TAFA2: variants seen among roughly 807,000 people sequenced by gnomAD.
TAFA2 encodes chemokine-like protein TAFA-2.
TAFA2 carries 7 observed loss-of-function variants against 18.8 expected under a neutral mutation model. That is an observed-to-expected ratio of 0.37 (90% CI 0.21 to 0.70). The LOEUF (loss-of-function observed/expected upper bound fraction) is 0.70. Ranked by LOEUF, TAFA2 falls within the 30% of genes least tolerant of loss-of-function variation. The pLI, the probability that TAFA2 is intolerant of heterozygous loss-of-function variation, is 0.53. For missense variants in TAFA2, 122 were observed against 158.1 expected (o/e 0.77, Z 1.23); for synonymous variants, 60 against 54.2 (o/e 1.11, Z -0.47).
At chr12:62,150,348 A>C (rs538437584) in intron 1 of TAFA2, among the ~76,000 whole-genome samples, 1 of 152,328 alleles carries the variant, frequency 6.6e-6, no homozygotes, top group African/African-American at 2.4e-5. Context: ...ATTAGATACA[A>C]GTAAATAAAA....
intron 4 of TAFA2, among the ~76,000 whole-genome samples, chr12:61,717,959 C>A (rs529412586): frequency 1.3e-5 from 2 of 152,140 alleles, no homozygotes; most frequent in African/African-American, 2.4e-5. Context: ...ACTACTATGA[C>A]CTTTCTTAAG....
intron 2 of TAFA2, among the ~76,000 whole-genome samples, chr12:61,779,093 T>A (rs950118100): frequency 6.6e-6 from 1 of 151,862 alleles, no homozygotes; most frequent in African/African-American, 2.4e-5. Context: ...CAAACCACAT[T>A]TATCATCATA....
At chr12:61,808,071 G>C (rs1425253361) in intron 2 of TAFA2, among the ~76,000 whole-genome samples, 1 of 151,592 alleles carries the variant, frequency 6.6e-6, no homozygotes, top group Non-Finnish European at 1.5e-5. Context: ...CTTGGAAGGG[G>C]CCAGGGGCAG....
intron 1 of TAFA2, among the ~76,000 whole-genome samples, chr12:62,171,117 C>T (rs1437741075): frequency 1.3e-5 from 2 of 151,768 alleles, no homozygotes; most frequent in Non-Finnish European, 2.9e-5. Context: ...CACAATTATA[C>T]CCTTGTTGTT....
chr12:62,115,604 T>A (rs1869927866), intron 1 of TAFA2, among the ~76,000 whole-genome samples: 1 of 152,216 alleles, frequency 6.6e-6, no homozygotes, highest in Non-Finnish European at 1.5e-5. Context: ...GTCATCTCAG[T>A]ACATTTAAAG....
At chr12:61,935,260 A>G (rs1387444725) in intron 1 of TAFA2, among the ~76,000 whole-genome samples, 1 of 152,232 alleles carries the variant, frequency 6.6e-6, no homozygotes. Flanking sequence ...CAAAATGATA[A>G]TAAATATTTC....
At chr12:61,808,802 C>G (rs1297003756) in intron 2 of TAFA2, among the ~76,000 whole-genome samples, 1 of 151,342 alleles carries the variant, frequency 6.6e-6, no homozygotes, top group African/African-American at 2.5e-5. Context: ...TTGCACAGTG[C>G]CTGCAGCGCA....
intron 1 of TAFA2, among the ~76,000 whole-genome samples, chr12:61,877,920 TATATAC>T (rs1874932422): frequency 9.2e-5 from 13 of 141,530 alleles, no homozygotes; most frequent in African/African-American, 3.5e-4. Context: ...TATATATATA[TATATAC>T]ACACACACAC....
At chr12:62,005,547 T>A (rs1360467245) in intron 1 of TAFA2, among the ~76,000 whole-genome samples, 1 of 152,130 alleles carries the variant, frequency 6.6e-6, no homozygotes, top group African/African-American at 2.4e-5. Context: ...TACTAGAAAC[T>A]TTAATATGAA....
chr12:61,808,136 G>A (rs1379848619), intron 2 of TAFA2, among the ~76,000 whole-genome samples: 1 of 151,586 alleles, frequency 6.6e-6, no homozygotes, highest in Non-Finnish European at 1.5e-5. Context: ...TTCCCACGTT[G>A]TGGGAGGGAC....
chr12:62,005,004 A>C (rs1364272569), intron 1 of TAFA2, among the ~76,000 whole-genome samples: 1 of 152,108 alleles, frequency 6.6e-6, no homozygotes, highest in Non-Finnish European at 1.5e-5. Context: ...AGAATAGAAC[A>C]GTGGTTACCA....
intron 1 of TAFA2, among the ~76,000 whole-genome samples, chr12:62,119,135 G>A (rs1419217202): frequency 6.6e-6 from 1 of 151,978 alleles, no homozygotes; most frequent in Non-Finnish European, 1.5e-5. Flanking sequence ...AGGACCTAGT[G>A]TCATGTTTTC....
chr12:61,990,771 A>C (rs1879982385), intron 1 of TAFA2, among the ~76,000 whole-genome samples: 2 of 152,222 alleles, frequency 1.3e-5, no homozygotes. Context: ...TGAAGCAACT[A>C]TTATCAAAAA....
chr12:61,898,265 G>A (rs957445322), intron 1 of TAFA2, among the ~76,000 whole-genome samples: 10 of 152,208 alleles, frequency 6.6e-5, no homozygotes, highest in Non-Finnish European at 1.2e-4. Flanking sequence ...GGTGTGGGTT[G>A]TCAGTGGATC....
At chr12:61,827,994 T>C (rs1872586187) in intron 2 of TAFA2, among the ~76,000 whole-genome samples, 1 of 151,996 alleles carries the variant, frequency 6.6e-6, no homozygotes, top group African/African-American at 2.4e-5. Flanking sequence ...TGAAGATGGA[T>C]ATTAATTATT....
At chr12:62,190,492 C>T (rs1162708331) in intron 1 of TAFA2, among the ~76,000 whole-genome samples, 1 of 152,182 alleles carries the variant, frequency 6.6e-6, no homozygotes, top group Non-Finnish European at 1.5e-5. Context: ...ATCCGGGAGA[C>T]ATCTAACCGG....
At chr12:61,922,518 C>G (rs1382917370) in intron 1 of TAFA2, among the ~76,000 whole-genome samples, 2 of 152,170 alleles carry the variant, frequency 1.3e-5, no homozygotes, top group Non-Finnish European at 2.9e-5. Flanking sequence ...CCTCCCCTAG[C>G]CAAGGGAAAC....
intron 2 of TAFA2, among the ~76,000 whole-genome samples, chr12:61,756,583 A>G (rs1452344915): frequency 1.3e-5 from 2 of 152,124 alleles, no homozygotes; most frequent in African/African-American, 4.8e-5. Flanking sequence ...AATAAGGGAC[A>G]CAATCTGTTC....
At chr12:62,045,177 A>G (rs1881877718) in intron 1 of TAFA2, among the ~76,000 whole-genome samples, 1 of 152,208 alleles carries the variant, frequency 6.6e-6, no homozygotes, top group East Asian at 1.9e-4. Context: ...ATGTACTTCC[A>G]AAGAAATATA....
Sources: allele counts gnomAD v4.1 joint callset (sites outside exome capture counted in the v4.1 genomes callset), GRCh38; gene constraint gnomAD v4.1.1; transcripts MANE v1.5; gene names NCBI Gene and HGNC (gene_info 2026-07-23, HGNC 2026-07-21).